Variants in SPARC observed in about 807,000 individuals in gnomAD.
The protein encoded by SPARC is basement-membrane protein 40.
In SPARC, 23 loss-of-function variants were observed where a neutral mutation model predicts 37.7. The ratio of observed to expected loss-of-function variants is 0.61; its 90% CI spans 0.44 to 0.87. SPARC has a LOEUF of 0.87. SPARC is among the 40% of genes least tolerant of loss of function. The pLI is 0.00. For synonymous variants in SPARC, 155 were observed against 150.8 expected, an observed-to-expected ratio of 1.03 and a Z score of -0.20; for missense variants, 312 against 389.0, an observed-to-expected ratio of 0.80 and a Z score of 1.66.
rs1760520264 is a variant in SPARC, at chr5:151,662,206, T to G, written c.*1365A>C. ...ATAATGGTGGTAGTGATCAAAAGGGTTAAACCACAGGTCATTAAATGAAAA... is the reference window on the plus strand; with the variant it reads ...ATAATGGTGGTAGTGATCAAAAGGGGTAAACCACAGGTCATTAAATGAAAA... On this transcript the variant is annotated 3_prime_UTR_variant, in exon 10 of 10. Coordinates refer to ENST00000231061, the MANE Select transcript of SPARC (RefSeq NM_003118.4). The G allele has an allele frequency of 1.3e-5, 2 of 152,656 alleles. No individual in the cohort carries two copies. Among genetic ancestry groups the G allele is most frequent in the African/African-American group, 4.8e-5 (2 of 41,452 alleles). The allele number at this position is 152,656 out of a possible 1,614,324, so 9.5% of individuals were successfully genotyped here. A position where few individuals can be genotyped will look rare whatever the true frequency, so the allele number is the denominator to read the frequency against.
At chr5:151,673,737 T>C (rs1269827893) in intron 3 of SPARC, among the ~76,000 whole-genome samples, 1 of 152,184 alleles carries the variant, frequency 6.6e-6, no homozygotes, top group Non-Finnish European at 1.5e-5. Flanking sequence ...ACTCAACCAA[T>C]GCACAATTTA....
intron 1 of SPARC, among the ~76,000 whole-genome samples, chr5:151,685,410 TCC>T (rs1284648799): frequency 3.8e-3 from 431 of 114,884 alleles, no homozygotes; most frequent in Admixed American, 0.01. Flanking sequence ...TCTCTCTCTC[TCC>T]CTCTCTCTCT....
intron 8 of SPARC, among the ~76,000 whole-genome samples, chr5:151,665,779 C>T (rs1760606735): frequency 6.6e-6 from 1 of 152,246 alleles, no homozygotes; most frequent in South Asian, 2.1e-4. Context: ...AAAATGCACA[C>T]TCCATAAGCA....
Position 151,667,532 on chromosome 5 carries a change from C to T in SPARC, c.520G>A (p.Val174Ile), listed in dbSNP as rs753067229. The stretch of plus-strand genomic sequence containing the variant: ...TCCCTCTCATACAGGGTGACCAGGA[C>T]GTTCTTGAGCCAGTCCCGCATGCGC... ...PLRMRDWLKN[V>I]LVTLYERDED... Residue 174 changes from valine (V) to isoleucine (I), a missense_variant, in exon 7 of 10, where the codon GTC (valine) becomes ATC (isoleucine). Val to Ile is a conservative substitution (Grantham distance 29, BLOSUM62 3). Transcript: ENST00000231061. 2.4e-5 allele frequency: 38 copies of T among 1,614,098 alleles called. No individual in the cohort carries two copies. Among genetic ancestry groups the T allele is most frequent in the Non-Finnish European group, 2.9e-5 (34 of 1,180,044 alleles).
intron 3 of SPARC, among the ~76,000 whole-genome samples, chr5:151,673,493 G>A (rs766482181): frequency 2.6e-5 from 4 of 152,132 alleles, no homozygotes; most frequent in South Asian, 4.1e-4. Flanking sequence ...AACTGCATAG[G>A]ACAAACCTGC....
chr5:151,679,242 C>T (rs893770932), intron 1 of SPARC: 5 of 152,218 alleles, frequency 3.3e-5, no homozygotes, highest in Admixed American at 6.5e-5. Flanking sequence ...ATCCAGCACC[C>T]CACTGGGGGC....
chr5:151,682,107 C>T (rs937132684), intron 1 of SPARC, among the ~76,000 whole-genome samples: 1 of 152,200 alleles, frequency 6.6e-6, no homozygotes, highest in Non-Finnish European at 1.5e-5. Context: ...AGCCTTACCT[C>T]TCTCCACTTG....
chr5:151,668,783 T>C (rs752104870), intron 6 of SPARC, among the ~76,000 whole-genome samples: 5 of 152,146 alleles, frequency 3.3e-5, no homozygotes, highest in Non-Finnish European at 7.4e-5. Flanking sequence ...TTCCTACCCA[T>C]GCTTCTTCCC....
At chr5:151,683,701 C>T (rs1581533469) in intron 1 of SPARC, among the ~76,000 whole-genome samples, 2 of 152,292 alleles carry the variant, frequency 1.3e-5, no homozygotes, top group East Asian at 3.9e-4. Context: ...TTACATACAG[C>T]CTGACTTAGC....
At chr5:151,686,179 T>C (rs926692855) in intron 1 of SPARC, among the ~76,000 whole-genome samples, 1 of 152,176 alleles carries the variant, frequency 6.6e-6, no homozygotes, top group Non-Finnish European at 1.5e-5. Context: ...ACTGCCTGTG[T>C]TTACCATCCC....
chr5:151,664,386 C>T (rs1760581483), intron 8 of SPARC, 151 bp from the exon 9 acceptor site: 2 of 687,836 alleles, frequency 2.9e-6, no homozygotes, highest in Non-Finnish European at 5.0e-6. Context: ...CTACCCCTAG[C>T]TCTGCCACTG....
At chr5:151,671,527 C>G in intron 5 of SPARC, 46 bp downstream of exon 5, 1 of 1,514,368 alleles carries the variant, frequency 6.6e-7, no homozygotes. Flanking sequence ...TCCTGTATTC[C>G]GAAGTGCCCA....
intron 2 of SPARC, 120 bp from the exon 3 acceptor site, chr5:151,674,794 C>A: frequency 1.1e-6 from 1 of 914,690 alleles, no homozygotes; most frequent in East Asian, 2.5e-5. Flanking sequence ...CTGGAGATCC[C>A]CAAAGTTGTG....
chr5:151,661,807 G>C lies in SPARC; in HGVS notation c.*1764C>G, dbSNP rs535709572. The C allele has an allele frequency of 6.6e-6, 1 of 152,316 alleles. No homozygotes were observed. The highest frequency in any genetic ancestry group is 6.5e-5 in the Admixed American group (1 of 15,308). 9.4% of individuals were successfully genotyped at this position (152,316 alleles called of 1,614,324 possible). On this transcript the variant is annotated 3_prime_UTR_variant, in exon 10 of 10. Coordinates refer to ENST00000231061, the MANE Select transcript of SPARC (RefSeq NM_003118.4). Reference sequence around the variant, plus strand: ...ATGTTGCTAGTGTGATTGGGGAGCTGCGTTTTGAATGTTAACTAATTTAAA... The same window carrying C: ...ATGTTGCTAGTGTGATTGGGGAGCTCCGTTTTGAATGTTAACTAATTTAAA...
chr5:151,671,691 G>T lies in SPARC; in HGVS notation c.212C>A (p.Pro71His), dbSNP rs199591638. The change falls in exon 5 of 10, where the codon CCC becomes CAC. Residue 71 changes from proline (P) to histidine (H), a missense_variant. Transcript: ENST00000231061. The part of the protein sequence containing the change: ...ETEEEVVAEN[P>H]CQNHHCKHGK... ...GTGTTTGCAGTGGTGGTTCTGGCAGGGATCTGTAGGGCAGAAAGACAAGGG... is the reference window on the plus strand; with the variant it reads ...GTGTTTGCAGTGGTGGTTCTGGCAGTGATCTGTAGGGCAGAAAGACAAGGG... 95 of 1,613,476 alleles carry T rather than the reference G, an allele frequency of 5.9e-5. 1 individual carries two copies. The highest frequency in any genetic ancestry group is 7.6e-5 in the Non-Finnish European group (90 of 1,179,740).
chr5:151,676,289 G>A, intron 1 of SPARC, 88 bp from the exon 2 acceptor site: 8 of 879,016 alleles, frequency 9.1e-6, no homozygotes, highest in Non-Finnish European at 1.3e-5. Flanking sequence ...GCAAGATAAT[G>A]TTAGATGGTA....
rs373334587 is a variant in SPARC at position 151,668,259 on chromosome 5, C to A, written c.452-659G>T. 2.6e-4 allele frequency among the ~76,000 whole-genome samples: 40 copies of A among 151,674 alleles called. 1 individual carries two copies. In the East Asian group the frequency reaches 5.8e-3, roughly 22 times the overall value. Reference sequence around the variant, plus strand: ...CCTCAGCCTCCTGGACTCAACCAATCCTCCCTCCTCAGCCTCCTGAGTAGC... The same window carrying A: ...CCTCAGCCTCCTGGACTCAACCAATACTCCCTCCTCAGCCTCCTGAGTAGC... On this transcript the variant is annotated intron_variant, in intron 6 of 9. Coordinates refer to ENST00000231061, the MANE Select transcript of SPARC (RefSeq NM_003118.4).
chr5:151,675,329 C>G lies in SPARC; in HGVS notation c.58-655G>C, dbSNP rs762137367. 2.8e-4 allele frequency among the ~76,000 whole-genome samples: 42 copies of G among 152,126 alleles called. 1 individual carries two copies. Among genetic ancestry groups the G allele is most frequent in the South Asian group, 1.2e-3 (6 of 4,828 alleles). On this transcript the variant is annotated intron_variant, in intron 2 of 9. Transcript: ENST00000231061. Reference sequence around the variant, plus strand: ...GAAAGAAATTGCACTTTTTGCCTGCCCTGTTTCTTCCTCCTCTCCTTGTGA... The same window carrying G: ...GAAAGAAATTGCACTTTTTGCCTGCGCTGTTTCTTCCTCCTCTCCTTGTGA...
intron 6 of SPARC, 126 bp from the exon 7 acceptor site, chr5:151,667,726 G>T: frequency 9.8e-7 from 1 of 1,022,990 alleles, no homozygotes; most frequent in Non-Finnish European, 1.4e-6. Context: ...ACCTCTCCAG[G>T]CCACAGTTTC....
Sources: gnomAD v4.1 joint callset for allele counts (sites outside exome capture counted in the v4.1 genomes callset) on GRCh38, gnomAD v4.1.1 for gene constraint, MANE v1.5 for transcripts, NCBI Gene and HGNC (gene_info 2026-07-23, HGNC 2026-07-21) for gene names.